The following ABLIM2 variants were observed in gnomAD, a reference collection of about 807,000 sequenced individuals.
The protein encoded by ABLIM2 is actin binding LIM protein family member 2, also known as actin-binding LIM protein 2.
A neutral mutation model predicts 97.7 loss-of-function variants in ABLIM2; 53 were observed. That is an observed-to-expected ratio of 0.54 (90% CI 0.44 to 0.68). ABLIM2 has a LOEUF of 0.68. Among genes scored for constraint, ABLIM2 ranks in the 30% least tolerant of loss-of-function variants. ABLIM2 has a pLI of 0.00. For missense variants in ABLIM2, 835 were observed against 867.2 expected (o/e 0.96, Z 0.47); for synonymous variants, 361 against 345.8 (o/e 1.04, Z -0.49).
intron 2 of ABLIM2, among the ~76,000 whole-genome samples, chr4:8,104,366 G>A (rs1353893393): frequency 6.6e-6 from 1 of 152,216 alleles, no homozygotes; most frequent in Non-Finnish European, 1.5e-5. Context: ...GTCCCCCCAT[G>A]AGGACTGGGC....
intron 1 of ABLIM2, among the ~76,000 whole-genome samples, chr4:8,146,456 C>T (rs1294319275): frequency 3.3e-5 from 5 of 152,198 alleles, no homozygotes; most frequent in East Asian, 1.9e-4. Context: ...TGCCTCGGCT[C>T]GCTAAAAATG....
rs545932322 is a variant in ABLIM2 at position 8,072,066 on chromosome 4, C to T, written c.675+5562G>A. The T allele has an allele frequency of 2.4e-3, 2,330 of 985,490 alleles. 7 individuals carry two copies. Among genetic ancestry groups the T allele is most frequent in the Non-Finnish European group, 2.6e-3 (2,195 of 829,976 alleles). 61.0% of individuals were successfully genotyped at this position (985,490 alleles called of 1,614,324 possible). The stretch of plus-strand genomic sequence containing the variant: ...CTCAGAGCTGTGCAGAGCCCGCCGA[C>T]TCAGCCACGCCGCCACAGACTCGCC... On this transcript the variant is annotated intron_variant, in intron 6 of 20. Coordinates refer to ENST00000447017, the MANE Select transcript of ABLIM2 (RefSeq NM_001130083.2). The surrounding 1 kb of genome is among the most constrained non-coding windows in gnomAD (Gnocchi z 5.8).
At chr4:8,029,943 C>T (rs1162176244) in intron 10 of ABLIM2, among the ~76,000 whole-genome samples, 167 bp from the exon 11 acceptor site, 5 of 152,192 alleles carry the variant, frequency 3.3e-5, no homozygotes, top group Non-Finnish European at 5.9e-5. Context: ...GTCTGAAGAG[C>T]CGAGTGGGGC....
chr4:8,129,227 A>G (rs1849001658), intron 1 of ABLIM2, among the ~76,000 whole-genome samples: 1 of 152,244 alleles, frequency 6.6e-6, no homozygotes, highest in Non-Finnish European at 1.5e-5. Context: ...TCTCAATGCC[A>G]TCTTTAAGGG....
rs1561325132 is a variant in ABLIM2 at position 8,091,337 on chromosome 4, TATAA to T, written c.339-3057_339-3054del. On this transcript the variant is annotated intron_variant, in intron 3 of 20. Coordinates refer to ENST00000447017, the MANE Select transcript of ABLIM2 (RefSeq NM_001130083.2). ...TATATAATTATATATATATTATATATATAATATATATATAATTATATATATATTA... is the reference window on the plus strand; with the variant it reads ...TATATAATTATATATATATTATATATTATATATATAATTATATATATATTA... Among the ~76,000 whole-genome samples the T allele has an allele frequency of 7.7e-3, 206 of 26,888 alleles. 4 individuals are homozygous for T. The highest frequency in any genetic ancestry group is 0.032 in the Middle Eastern group (2 of 62). 17.6% of individuals were successfully genotyped at this position (26,888 alleles called of 152,430 possible).
intron 10 of ABLIM2, 87 bp from the exon 11 acceptor site, chr4:8,029,863 T>G (rs11942146): frequency 0.24 from 362,322 of 1,483,610 alleles, 47,748 homozygotes; most frequent in East Asian, 0.6. Flanking sequence ...CATTTGGTGT[T>G]TGCCCTCCTG....
At chr4:8,077,171 A>G (rs569856274) in intron 6 of ABLIM2, among the ~76,000 whole-genome samples, 2 of 152,304 alleles carry the variant, frequency 1.3e-5, no homozygotes, top group Admixed American at 6.5e-5. Context: ...GAACATGCCC[A>G]CATGACTACC....
chr4:8,053,808 CCT>C (rs1025168491), intron 8 of ABLIM2, among the ~76,000 whole-genome samples: 3 of 151,988 alleles, frequency 2.0e-5, no homozygotes, highest in Non-Finnish European at 4.4e-5. Flanking sequence ...GAGTTTGGCC[CCT>C]TTTTCCTCTT....
At chr4:8,010,443 C>A (rs781293582) in intron 14 of ABLIM2, 4 of 985,738 alleles carry the variant, frequency 4.1e-6, no homozygotes, top group Non-Finnish European at 4.8e-6. Flanking sequence ...CAGCGGGCGG[C>A]GGGCTCGGGC....
chr4:8,010,085 C>A (rs1187804332), intron 14 of ABLIM2, among the ~76,000 whole-genome samples: 1 of 152,210 alleles, frequency 6.6e-6, no homozygotes, highest in East Asian at 1.9e-4. Flanking sequence ...CAGAAATGGA[C>A]TCAATGAAAT....
rs1253707750 is a variant in ABLIM2, at chr4:8,060,968, T to C, written c.762A>G (p.Gln254=). The part of the protein sequence containing the change: ...MFAEGEEMYL[Q]GSSIWHPACR... ...CAAACAACACATTTTAATTTGTACCTTGAAGATACATCTCTTCGCCTTCTG... is the reference window on the plus strand; with the variant it reads ...CAAACAACACATTTTAATTTGTACCCTGAAGATACATCTCTTCGCCTTCTG... The change falls in exon 7 of 21, where the codon CAA becomes CAG. Residue 254 remains glutamine (Q), a splice_region_variant and synonymous_variant. Coordinates refer to ENST00000447017, the MANE Select transcript of ABLIM2 (RefSeq NM_001130083.2). 1.9e-6 allele frequency: 3 copies of C among 1,583,700 alleles called. No individual in the cohort carries two copies. In the Admixed American group the frequency reaches 5.4e-5, roughly 29 times the overall value.
Position 8,080,664 on chromosome 4 carries a change from C to A in ABLIM2, c.581+12G>T. The A allele has an allele frequency of 6.3e-7, 1 of 1,592,834 alleles. No individual in the cohort carries two copies. Among genetic ancestry groups the A allele is most frequent in the African/African-American group, 1.3e-5 (1 of 74,670 alleles). On this transcript the variant is annotated intron_variant, in intron 5 of 20. Coordinates refer to ENST00000447017, the MANE Select transcript of ABLIM2 (RefSeq NM_001130083.2). ...GAGCGGAGGCTCTCACTAGAGCCCT[C>A]CCCCCACTTACTTGCTGATGTACTC...
chr4:8,038,466 C>G (rs1250375113), intron 9 of ABLIM2, among the ~76,000 whole-genome samples: 3 of 152,182 alleles, frequency 2.0e-5, no homozygotes, highest in Non-Finnish European at 4.4e-5. Context: ...CAAACTTGGC[C>G]TTCCTGTTCC....
intron 14 of ABLIM2, among the ~76,000 whole-genome samples, chr4:8,009,552 TGCC>T (rs1763552397): frequency 6.6e-6 from 1 of 152,152 alleles, no homozygotes; most frequent in African/African-American, 2.4e-5. Flanking sequence ...TGCATCACCA[TGCC>T]TGGGTAAGTT....
At chr4:7,989,628 T>C (rs1747116014) in intron 17 of ABLIM2, among the ~76,000 whole-genome samples, 1 of 152,264 alleles carries the variant, frequency 6.6e-6, no homozygotes, top group Non-Finnish European at 1.5e-5. Context: ...TTTGTGATTT[T>C]AGTATCTTTC....
chr4:8,133,993 G>A (rs1417963841), intron 1 of ABLIM2, among the ~76,000 whole-genome samples: 8 of 152,184 alleles, frequency 5.3e-5, no homozygotes, highest in Admixed American at 5.2e-4. Flanking sequence ...TGCAGGGGGG[G>A]GTGACGAACA....
chr4:8,078,829 C>T (rs1227503629), intron 5 of ABLIM2, among the ~76,000 whole-genome samples: 1 of 152,236 alleles, frequency 6.6e-6, no homozygotes, highest in Admixed American at 6.5e-5. Context: ...CCAGGGCTGT[C>T]CTCTCAGCCC....
At position 8,005,475 on chromosome 4, in the gene ABLIM2, T is replaced by C; in HGVS notation, c.1618+2584A>G. The C allele has an allele frequency of 1.9e-6, 1 of 529,580 alleles. No homozygotes were observed. Among genetic ancestry groups the C allele is most frequent in the East Asian group, 5.5e-5 (1 of 18,328 alleles). 32.8% of individuals were successfully genotyped at this position (529,580 alleles called of 1,614,324 possible). A position where few individuals can be genotyped will look rare whatever the true frequency, so the allele number is the denominator to read the frequency against. On this transcript the variant is annotated intron_variant, in intron 16 of 20. Coordinates refer to ENST00000447017, the MANE Select transcript of ABLIM2 (RefSeq NM_001130083.2). This position sits in a 1 kb window ranked among gnomAD's most constrained non-coding sequence, Gnocchi z 4.9. ...TGCTGTGTGCAAATGCTTTGTTCAGTAAAAGCTGTGTGCAAATGGAACTGG... is the reference window on the plus strand; with the variant it reads ...TGCTGTGTGCAAATGCTTTGTTCAGCAAAAGCTGTGTGCAAATGGAACTGG...
intron 20 of ABLIM2, among the ~76,000 whole-genome samples, chr4:7,977,749 C>T (rs1734651962): frequency 6.8e-6 from 1 of 147,814 alleles, no homozygotes; most frequent in Non-Finnish European, 1.5e-5. Context: ...TGAGATTGCG[C>T]CACTGCCCTC....
Sources: gnomAD v4.1 joint callset for allele counts (sites outside exome capture counted in the v4.1 genomes callset) on GRCh38, gnomAD v4.1.1 for gene constraint, Gnocchi (gnomAD v3.1) non-coding constraint, MANE v1.5 for transcripts, NCBI Gene and HGNC (gene_info 2026-07-23, HGNC 2026-07-21) for gene names.